Variants in SEC61A2 observed in about 807,000 individuals in gnomAD.
The protein encoded by SEC61A2 is SEC61 translocon subunit alpha 2, also known as protein transport protein Sec61 subunit alpha isoform 2.
Under a neutral mutation model 59.9 loss-of-function variants are expected in SEC61A2, and 28 were observed. That is an observed-to-expected ratio of 0.47 (90% CI 0.35 to 0.64). The LOEUF (loss-of-function observed/expected upper bound fraction) is 0.64, where lower values mean the gene tolerates loss of function less well. SEC61A2 is among the 30% of genes least tolerant of loss of function. SEC61A2 has a pLI of 0.01. For missense variants in SEC61A2, 340 were observed against 585.9 expected, an observed-to-expected ratio of 0.58 and a Z score of 4.33; for synonymous variants, 202 against 214.4, an observed-to-expected ratio of 0.94 and a Z score of 0.50.
At position 12,129,728 on chromosome 10, in the gene SEC61A2, G is replaced by C; in HGVS notation, c.-60G>C. On this transcript the variant is annotated 5_prime_UTR_variant, in exon 1 of 12. Coordinates refer to ENST00000298428, the MANE Select transcript of SEC61A2 (RefSeq NM_018144.4). This position sits in a 1 kb window ranked among gnomAD's most constrained non-coding sequence, Gnocchi z 5.6. The stretch of plus-strand genomic sequence containing the variant: ...GCCGGTACCGAGGCCCGAGCCGCGG[G>C]AGTCGAGCGAAGGCAGCGCCGAGGC... The C allele has an allele frequency of 6.8e-7, 1 of 1,470,252 alleles. No individual in the cohort carries two copies. 91.1% of individuals were successfully genotyped at this position (1,470,252 alleles called of 1,614,324 possible). A position where few individuals can be genotyped will look rare whatever the true frequency, so the allele number is the denominator to read the frequency against.
At position 12,153,327 on chromosome 10, in the gene SEC61A2, T is replaced by G. The variant is rs1834324305; in HGVS notation, c.463-2451T>G. ...TCTTTCTGCAATCCAGAGTTTAGAA[T>G]AATCTTGATTTTTAGAAGACACTTA... On this transcript the variant is annotated intron_variant, in intron 6 of 11. Transcript: ENST00000298428. The surrounding 1 kb of genome is among the most constrained non-coding windows in gnomAD (Gnocchi z 5.2). 6.6e-6 allele frequency among the ~76,000 whole-genome samples: 1 copy of G among 152,198 alleles called. No individual in the cohort carries two copies. The highest frequency in any genetic ancestry group is 1.5e-5 in the Non-Finnish European group (1 of 68,040).
intron 8 of SEC61A2, among the ~76,000 whole-genome samples, chr10:12,157,463 G>C (rs1359754091): frequency 6.7e-6 from 1 of 149,492 alleles, no homozygotes; most frequent in East Asian, 2.0e-4. Flanking sequence ...AGCTTCCTGA[G>C]TAGCTGAGAT....
At chr10:12,132,342 CA>C (rs1833771607) in intron 1 of SEC61A2, among the ~76,000 whole-genome samples, 2 of 149,928 alleles carry the variant, frequency 1.3e-5, no homozygotes, top group South Asian at 2.1e-4. Flanking sequence ...GGCCAGGTGC[CA>C]TGGTTCATGC....
At chr10:12,131,106 G>A (rs1833723939) in intron 1 of SEC61A2, among the ~76,000 whole-genome samples, 1 of 152,232 alleles carries the variant, frequency 6.6e-6, no homozygotes, top group African/African-American at 2.4e-5. Flanking sequence ...CCGGGAGGTG[G>A]AGGTTGCAGT....
At chr10:12,130,499 G>A (rs980771770) in intron 1 of SEC61A2, among the ~76,000 whole-genome samples, 2 of 152,136 alleles carry the variant, frequency 1.3e-5, no homozygotes, top group African/African-American at 4.8e-5. Context: ...AAATTAGAAA[G>A]GAGTAGGAGA....
chr10:12,136,925 C>A (rs559581562), intron 3 of SEC61A2, among the ~76,000 whole-genome samples: 65 of 152,138 alleles, frequency 4.3e-4, no homozygotes, highest in Non-Finnish European at 6.9e-4. Flanking sequence ...CCACCACGCC[C>A]AGCTGAATTT....
In SEC61A2 at chr10:12,156,048, GA is replaced by G. The variant is rs1204370335; in HGVS notation, c.616+119del. 3.0e-6 allele frequency: 3 copies of G among 1,007,488 alleles called. No individual in the cohort carries two copies. The allele number at this position is 1,007,488 out of a possible 1,614,324, so 62.4% of individuals were successfully genotyped here. A position where few individuals can be genotyped will look rare whatever the true frequency, so the allele number is the denominator to read the frequency against. Reference sequence around the variant, plus strand: ...CTGGTTTGCTCTCCTAGGGGATAAGGAATGCGAATTCTTCAAAACTTAATGA... The same window carrying G: ...CTGGTTTGCTCTCCTAGGGGATAAGGATGCGAATTCTTCAAAACTTAATGA... On this transcript the variant is annotated intron_variant, in intron 7 of 11. Transcript: ENST00000298428. This position sits in a 1 kb window ranked among gnomAD's most constrained non-coding sequence, Gnocchi z 5.2.
chr10:12,140,128 C>G (rs1406246744), intron 3 of SEC61A2, among the ~76,000 whole-genome samples: 3 of 152,148 alleles, frequency 2.0e-5, no homozygotes, highest in Non-Finnish European at 4.4e-5. Context: ...AGGCGTTTGC[C>G]TCATTTGATT....
At chr10:12,167,670 GTT>G, downstream of SEC61A2, 4 of 1,604,682 alleles carry the variant, frequency 2.5e-6, no homozygotes, top group South Asian at 4.4e-5. Flanking sequence ...TGGTGGTCTC[GTT>G]TACAAAAATG....
At chr10:12,169,579 T>C (rs1291948436), downstream of SEC61A2, 4 of 395,216 alleles carry the variant, frequency 1.0e-5, no homozygotes, top group Non-Finnish European at 1.8e-5. The surrounding 1 kb of genome is among the most constrained non-coding windows in gnomAD (Gnocchi z 4.8). Flanking sequence ...CTATTGTATC[T>C]ATTCAGTATG....
At position 12,129,798 on chromosome 10, in the gene SEC61A2, A is replaced by T; in HGVS notation, c.7+4A>T. The T allele has an allele frequency of 6.9e-7, 1 of 1,447,822 alleles. No individual in the cohort carries two copies. The highest frequency in any genetic ancestry group is 9.1e-7 in the Non-Finnish European group (1 of 1,101,056). 89.7% of individuals were successfully genotyped at this position (1,447,822 alleles called of 1,614,324 possible). On this transcript the variant is annotated splice_donor_region_variant and intron_variant, in intron 1 of 11. Coordinates refer to ENST00000298428, the MANE Select transcript of SEC61A2 (RefSeq NM_018144.4). The surrounding 1 kb of genome is among the most constrained non-coding windows in gnomAD (Gnocchi z 5.6). ...TCCCCAGCAGCAGCCATGGGCAGTGAGTAGCGGCGGCTGGAGCGGGGACTC... is the reference window on the plus strand; with the variant it reads ...TCCCCAGCAGCAGCCATGGGCAGTGTGTAGCGGCGGCTGGAGCGGGGACTC...
rs1185457905 is a variant in SEC61A2 at position 12,143,906 on chromosome 10, C to A, written c.220+711C>A. ...TTCTTACATTTAGGAACAGTGGTTG[C>A]CTCTTTTTTGGAAACACTTTTTTCA... On this transcript the variant is annotated intron_variant, in intron 4 of 11. Coordinates refer to ENST00000298428, the MANE Select transcript of SEC61A2 (RefSeq NM_018144.4). The surrounding 1 kb of genome is among the most constrained non-coding windows in gnomAD (Gnocchi z 4.8). Among the ~76,000 whole-genome samples the A allele has an allele frequency of 6.6e-6, 1 of 152,088 alleles. No individual in the cohort carries two copies. Among genetic ancestry groups the A allele is most frequent in the Non-Finnish European group, 1.5e-5 (1 of 68,018 alleles).
chr10:12,153,723 T>C lies in SEC61A2; in HGVS notation c.463-2055T>C. On this transcript the variant is annotated intron_variant, in intron 6 of 11. Transcript: ENST00000298428. This position sits in a 1 kb window ranked among gnomAD's most constrained non-coding sequence, Gnocchi z 5.2. Reference sequence around the variant, plus strand: ...TGATTGTAGGTGGGCAGTGACCCATTGGTGTCTTTTCAAGGCGTTACTAAC... The same window carrying C: ...TGATTGTAGGTGGGCAGTGACCCATCGGTGTCTTTTCAAGGCGTTACTAAC... 6.2e-7 allele frequency: 1 copy of C among 1,611,022 alleles called. No homozygotes were observed. Among genetic ancestry groups the C allele is most frequent in the East Asian group, 2.2e-5 (1 of 44,846 alleles).
intron 3 of SEC61A2, among the ~76,000 whole-genome samples, chr10:12,140,378 T>C (rs913103398): frequency 4.6e-5 from 7 of 152,214 alleles, no homozygotes; most frequent in Non-Finnish European, 8.8e-5. Context: ...GACAGATTCA[T>C]AGAAAATAAG....
At chr10:12,136,054 A>C in intron 2 of SEC61A2, 51 bp from the exon 3 acceptor site, 1 of 1,258,438 alleles carries the variant, frequency 7.9e-7, no homozygotes, top group South Asian at 1.2e-5. Context: ...CCCCCCAAAA[A>C]TTTGCTGTTT....
chr10:12,134,115 TCCTGCCTCAG>T (rs1474776135), intron 2 of SEC61A2, among the ~76,000 whole-genome samples: 2 of 152,228 alleles, frequency 1.3e-5, no homozygotes, highest in Non-Finnish European at 2.9e-5. Flanking sequence ...CACGCCATTC[TCCTGCCTCAG>T]CCTCCCGAGT....
At chr10:12,157,398 C>G (rs999779193) in intron 8 of SEC61A2, among the ~76,000 whole-genome samples, 1 of 151,770 alleles carries the variant, frequency 6.6e-6, no homozygotes, top group Non-Finnish European at 1.5e-5. Context: ...TGCAGTGGCG[C>G]GATCTTAGCT....
At chr10:12,132,406 G>A (rs1271391757) in intron 1 of SEC61A2, among the ~76,000 whole-genome samples, 1 of 152,018 alleles carries the variant, frequency 6.6e-6, no homozygotes, top group Non-Finnish European at 1.5e-5. Flanking sequence ...TTGACGTTAG[G>A]AGTTTGAGAC....
At chr10:12,140,012 A>G (rs943123935) in intron 3 of SEC61A2, among the ~76,000 whole-genome samples, 2 of 152,034 alleles carry the variant, frequency 1.3e-5, no homozygotes, top group Non-Finnish European at 2.9e-5. Flanking sequence ...ACAGCACTCA[A>G]CATGGGTAGA....
Sources: allele counts gnomAD v4.1 joint callset (sites outside exome capture counted in the v4.1 genomes callset), GRCh38; gene constraint gnomAD v4.1.1; non-coding constraint Gnocchi (gnomAD v3.1); transcripts MANE v1.5; gene names NCBI Gene and HGNC (gene_info 2026-07-23, HGNC 2026-07-21).